Variants in CCDC171 observed in about 807,000 individuals in gnomAD.
CCDC171 encodes the protein coiled-coil domain-containing protein 171.
A neutral mutation model predicts 168.2 loss-of-function variants in CCDC171; 177 were observed. The ratio of observed to expected loss-of-function variants is 1.05; its 90% CI spans 0.93 to 1.19. The LOEUF is 1.19. Ranked by LOEUF, CCDC171 falls within the 50% of genes most tolerant of loss-of-function variation. CCDC171 has a pLI of 0.00. For missense variants in CCDC171, 1,991 were observed against 1,539.0 expected, an observed-to-expected ratio of 1.29 and a Z score of -4.91; for synonymous variants, 687 against 540.8, an observed-to-expected ratio of 1.27 and a Z score of -3.75.
intron 3 of CCDC171, among the ~76,000 whole-genome samples, chr9:16,009,567 T>A (rs1406383540): frequency 6.6e-6 from 1 of 152,226 alleles, no homozygotes; most frequent in African/African-American, 2.4e-5. Flanking sequence ...CCCTTACGAT[T>A]CTTTCTGGTA....
intron 11 of CCDC171, among the ~76,000 whole-genome samples, chr9:15,711,013 TG>T (rs1227602295): frequency 6.6e-6 from 1 of 152,232 alleles, no homozygotes; most frequent in African/African-American, 2.4e-5. Flanking sequence ...TAGTTTAACA[TG>T]TTTTTTTGTT....
chr9:15,667,541 G>C (rs979312138), intron 9 of CCDC171, among the ~76,000 whole-genome samples: 1 of 152,126 alleles, frequency 6.6e-6, no homozygotes, highest in Non-Finnish European at 1.5e-5. Flanking sequence ...ACCTACCTGG[G>C]AGGCTGAGGC....
chr9:15,733,670 T>TAATCACTCC (rs2054294511), intron 16 of CCDC171, among the ~76,000 whole-genome samples: 1 of 40,894 alleles, frequency 2.4e-5, no homozygotes, highest in Admixed American at 3.7e-4. Context: ...TATACTGATT[T>TAATCACTCC]AACCTTTTAC....
chr9:15,826,374 G>T (rs934716481), intron 21 of CCDC171, among the ~76,000 whole-genome samples: 6 of 151,508 alleles, frequency 4.0e-5, no homozygotes, highest in Non-Finnish European at 7.4e-5. Context: ...TCCAAAAATG[G>T]CCACAGCAAT....
Position 15,876,290 on chromosome 9 carries a change from G to C in CCDC171, c.3600+1627G>C, listed in dbSNP as rs1030026317. Among the ~76,000 whole-genome samples the C allele has an allele frequency of 2.1e-4, 32 of 152,210 alleles. 1 individual carries two copies. The highest frequency in any genetic ancestry group is 7.5e-4 in the African/African-American group (31 of 41,538). ...TTGTAGTTTAGTAGTATACATCATA[G>C]TTGGAAAATTAGGAGACATTAGTGA... On this transcript the variant is annotated intron_variant, in intron 24 of 25. Transcript: ENST00000380701.
intron 1 of CCDC171, among the ~76,000 whole-genome samples, chr9:16,054,343 A>T (rs1833799358): frequency 6.6e-6 from 1 of 152,228 alleles, no homozygotes; most frequent in Admixed American, 6.5e-5. Context: ...CACGAAGTCC[A>T]GAGATGGCAC....
intron 11 of CCDC171, among the ~76,000 whole-genome samples, chr9:15,702,774 C>G (rs1281804853): frequency 1.3e-5 from 2 of 152,212 alleles, no homozygotes; most frequent in African/African-American, 4.8e-5. Context: ...TGGCCTTACA[C>G]TTTTGTGTTA....
At chr9:15,934,401 AAAAAG>A (rs1299588823) in intron 25 of CCDC171, among the ~76,000 whole-genome samples, 4 of 151,284 alleles carry the variant, frequency 2.6e-5, no homozygotes, top group African/African-American at 9.7e-5. Flanking sequence ...AAAAAAAAAA[AAAAAG>A]AAAAGAAAAG....
At chr9:15,738,421 A>G (rs1021044028) in intron 16 of CCDC171, among the ~76,000 whole-genome samples, 6 of 152,198 alleles carry the variant, frequency 3.9e-5, no homozygotes, top group Non-Finnish European at 7.4e-5. Context: ...AAAGGTATGC[A>G]TTCTATATTT....
the CCDC171 span, among the ~76,000 whole-genome samples, chr9:16,089,738 GAAAA>G: frequency 1.4e-5 from 2 of 146,690 alleles, no homozygotes; most frequent in African/African-American, 5.0e-5. Flanking sequence ...AAATTTACAA[GAAAA>G]AAAAAACCCA....
chr9:16,009,836 A>AT (rs1378533736), intron 3 of CCDC171, among the ~76,000 whole-genome samples: 1 of 152,218 alleles, frequency 6.6e-6, no homozygotes, highest in Non-Finnish European at 1.5e-5. Flanking sequence ...ATAAAAATAA[A>AT]TTTGAGGAAA....
chr9:15,583,064 C>T (rs1436172284), intron 4 of CCDC171, among the ~76,000 whole-genome samples: 1 of 152,058 alleles, frequency 6.6e-6, no homozygotes, highest in Non-Finnish European at 1.5e-5. Context: ...CAGCACAATT[C>T]ACAATTGCAA....
chr9:16,002,522 T>C (rs1453907620), intron 3 of CCDC171, among the ~76,000 whole-genome samples: 1 of 152,228 alleles, frequency 6.6e-6, no homozygotes, highest in Non-Finnish European at 1.5e-5. Flanking sequence ...GCTGTTATTA[T>C]GAAAGAGTCA....
At chr9:15,676,201 C>T (rs976701745) in intron 9 of CCDC171, among the ~76,000 whole-genome samples, 5 of 152,066 alleles carry the variant, frequency 3.3e-5, no homozygotes, top group Admixed American at 6.6e-5. Flanking sequence ...ACGAAATTCT[C>T]GTGCTGTGTT....
intron 25 of CCDC171, among the ~76,000 whole-genome samples, chr9:15,969,137 A>G (rs1238017200): frequency 6.6e-6 from 1 of 152,184 alleles, no homozygotes; most frequent in Non-Finnish European, 1.5e-5. Flanking sequence ...TTGAAATACT[A>G]GGGAAATAAC....
intron 24 of CCDC171, among the ~76,000 whole-genome samples, chr9:15,902,345 T>A (rs2131649396): frequency 6.6e-6 from 1 of 151,984 alleles, no homozygotes; most frequent in South Asian, 2.1e-4. Flanking sequence ...TCTTTTGAAC[T>A]TTTGTTACGA....
chr9:15,883,957 C>T (rs1819046763), intron 24 of CCDC171, among the ~76,000 whole-genome samples: 1 of 152,176 alleles, frequency 6.6e-6, no homozygotes, highest in Admixed American at 6.5e-5. Context: ...AGTAGTAGGA[C>T]TGGCAATAAA....
Position 15,693,127 on chromosome 9 carries a change from ACT to A in CCDC171, c.1216-2105_1216-2104del, listed in dbSNP as rs1287993168. On this transcript the variant is annotated intron_variant, in intron 10 of 25. Transcript: ENST00000380701. The stretch of plus-strand genomic sequence containing the variant: ...ACTCCCGCCTGGATGACAGAGCGAG[ACT>A]CTGTCTCAAAACAAAACAAAACAAA... 5.3e-5 allele frequency among the ~76,000 whole-genome samples: 8 copies of A among 152,090 alleles called. No homozygotes were observed. The East Asian group carries it at 1.4e-3, about 26-fold the overall frequency.
At chr9:16,015,010 G>A (rs3008717) in intron 3 of CCDC171, among the ~76,000 whole-genome samples, 77,259 of 151,760 alleles carry the variant, frequency 0.51, 20,845 homozygotes, top group East Asian at 0.66. Flanking sequence ...AGACTGTTTC[G>A]TCTACATTAA....
Sources: allele counts gnomAD v4.1 joint callset (sites outside exome capture counted in the v4.1 genomes callset), GRCh38; gene constraint gnomAD v4.1.1; transcripts MANE v1.5; gene names NCBI Gene and HGNC (gene_info 2026-07-23, HGNC 2026-07-21).